The following TMEM132D variants were observed in gnomAD, a reference collection of about 807,000 sequenced individuals.
TMEM132D encodes the protein transmembrane protein 132D.
Under a neutral mutation model 62.3 loss-of-function variants are expected in TMEM132D, and 21 were observed. The observed-to-expected ratio is 0.34, with a 90% CI of 0.24 to 0.49. TMEM132D has a LOEUF of 0.49. TMEM132D is among the 20% of genes least tolerant of loss of function. TMEM132D has a pLI of 0.99. For synonymous variants in TMEM132D, 621 were observed against 575.6 expected (o/e 1.08, Z -1.13); for missense variants, 1,346 against 1,402.8 (o/e 0.96, Z 0.65).
intron 2 of TMEM132D, among the ~76,000 whole-genome samples, chr12:129,573,141 T>C (rs1360686297): frequency 2.0e-5 from 3 of 152,200 alleles, no homozygotes; most frequent in East Asian, 1.9e-4. Context: ...GGGGCAGCCA[T>C]GGAGACCCTG....
At chr12:129,698,471 G>T (rs1403678601) in intron 2 of TMEM132D, among the ~76,000 whole-genome samples, 1 of 139,602 alleles carries the variant, frequency 7.2e-6, no homozygotes, top group African/African-American at 2.7e-5. Flanking sequence ...GAATCAAAAC[G>T]GTGATTTATT....
At chr12:129,321,718 C>A (rs186565539) in intron 4 of TMEM132D, among the ~76,000 whole-genome samples, 1,809 of 152,202 alleles carry the variant, frequency 0.012, 38 homozygotes, top group African/African-American at 0.041. Context: ...GCCACCACGC[C>A]CAGCTAATTT....
At chr12:129,144,915 TA>T (rs1233965304) in intron 5 of TMEM132D, among the ~76,000 whole-genome samples, 1 of 152,090 alleles carries the variant, frequency 6.6e-6, no homozygotes. Flanking sequence ...TCTATCTATC[TA>T]TCTATCTATC....
At position 129,867,560 on chromosome 12, in the gene TMEM132D, G is replaced by A. The variant is rs1874098032; in HGVS notation, c.79+35701C>T. On this transcript the variant is annotated intron_variant, in intron 1 of 8. Coordinates refer to ENST00000422113, the MANE Select transcript of TMEM132D (RefSeq NM_133448.3). This position sits in a 1 kb window ranked among gnomAD's most constrained non-coding sequence, Gnocchi z 4.5. ...GGACTAAAATTAATAATTCTGTATA[G>A]TGTCCTTGAAATGTACTGAGAGGAT... Among the ~76,000 whole-genome samples, 1 of 152,144 alleles carries A rather than the reference G, an allele frequency of 6.6e-6. No homozygotes were observed. Among genetic ancestry groups the A allele is most frequent in the Admixed American group, 6.5e-5 (1 of 15,274 alleles).
intron 2 of TMEM132D, among the ~76,000 whole-genome samples, chr12:129,531,472 A>G (rs950121399): frequency 6.6e-6 from 1 of 152,226 alleles, no homozygotes; most frequent in Non-Finnish European, 1.5e-5. Context: ...ATATCCTTGC[A>G]CTAGCTTGTA....
At chr12:129,190,764 G>C (rs1486633) in intron 5 of TMEM132D, among the ~76,000 whole-genome samples, 6 of 152,190 alleles carry the variant, frequency 3.9e-5, no homozygotes, top group African/African-American at 1.2e-4. Flanking sequence ...AGAACTGTAA[G>C]ATAACACATT....
intron 1 of TMEM132D, chr12:129,853,367 C>T (rs10773714): frequency 0.27 from 40,812 of 152,124 alleles, 5,690 homozygotes; most frequent in East Asian, 0.59. Flanking sequence ...AACAAGAGGC[C>T]GTTTGAAAAC....
rs115074196 is a variant in TMEM132D, at chr12:129,742,062, G to C, written c.80-41364C>G. 5.3e-3 allele frequency among the ~76,000 whole-genome samples: 802 copies of C among 152,272 alleles called. 7 individuals are homozygous for C. Among genetic ancestry groups the C allele is most frequent in the African/African-American group, 0.018 (766 of 41,556 alleles). On this transcript the variant is annotated intron_variant, in intron 1 of 8. Transcript: ENST00000422113. The stretch of plus-strand genomic sequence containing the variant: ...CAAGTAAGAGAATGTTAAGTGATTT[G>C]TTGGTGTGCTCTCCTCACAAAGGTT...
At chr12:129,481,659 A>G (rs1874432429) in intron 3 of TMEM132D, among the ~76,000 whole-genome samples, 1 of 152,224 alleles carries the variant, frequency 6.6e-6, no homozygotes, top group Non-Finnish European at 1.5e-5. Context: ...AGAAAAAAAT[A>G]ACATTTGCTA....
chr12:129,404,092 G>T (rs1387442804), intron 3 of TMEM132D, among the ~76,000 whole-genome samples: 1 of 152,136 alleles, frequency 6.6e-6, no homozygotes, highest in Non-Finnish European at 1.5e-5. Context: ...AACACAGGAT[G>T]GGGATGCAGT....
intron 1 of TMEM132D, among the ~76,000 whole-genome samples, chr12:129,835,111 T>C (rs775413261): frequency 6.6e-6 from 1 of 152,092 alleles, no homozygotes; most frequent in South Asian, 2.1e-4. Flanking sequence ...TGAGGCTCAA[T>C]AGCAAAGGCA....
At chr12:129,679,407 A>G (rs1880725454) in intron 2 of TMEM132D, among the ~76,000 whole-genome samples, 1 of 152,144 alleles carries the variant, frequency 6.6e-6, no homozygotes, top group South Asian at 2.1e-4. Flanking sequence ...TCCTTAATAC[A>G]GCAAAATCAA....
At chr12:129,286,498 A>G (rs1291119450) in intron 4 of TMEM132D, among the ~76,000 whole-genome samples, 2 of 152,168 alleles carry the variant, frequency 1.3e-5, no homozygotes, top group African/African-American at 4.8e-5. Flanking sequence ...AAATAAATAG[A>G]AAGGTAATCA....
chr12:129,513,586 G>A (rs1349783196), intron 3 of TMEM132D, among the ~76,000 whole-genome samples: 3 of 151,458 alleles, frequency 2.0e-5, no homozygotes, highest in South Asian at 2.1e-4. Context: ...CCGGGTTCAC[G>A]CCATTCTCCT....
chr12:129,160,793 A>T (rs993050900), intron 5 of TMEM132D, among the ~76,000 whole-genome samples: 2 of 152,218 alleles, frequency 1.3e-5, no homozygotes, highest in African/African-American at 4.8e-5. Context: ...GGGCTTGGGG[A>T]CTACTTGAGT....
intron 1 of TMEM132D, among the ~76,000 whole-genome samples, chr12:129,783,036 C>T (rs776316430): frequency 6.6e-6 from 1 of 152,210 alleles, no homozygotes; most frequent in African/African-American, 2.4e-5. Context: ...TTGGTGAAGT[C>T]TTTGCTAGTA....
In TMEM132D at chr12:129,077,443, AAAT is replaced by A. The variant is rs528212253; in HGVS notation, c.2115+1088_2115+1090del. On this transcript the variant is annotated intron_variant, in intron 8 of 8. Coordinates refer to ENST00000422113, the MANE Select transcript of TMEM132D (RefSeq NM_133448.3). The stretch of plus-strand genomic sequence containing the variant: ...TTCACCCAAATTCCTATGTTCTAAG[AAAT>A]AATGTTTATCCACCTCTAATGAGGG... 3.7e-3 allele frequency among the ~76,000 whole-genome samples: 564 copies of A among 152,148 alleles called. 7 individuals are homozygous for A. The highest frequency in any genetic ancestry group is 2.4e-3 in the Non-Finnish European group (160 of 67,904).
At chr12:129,530,852 G>T (rs903479747) in intron 3 of TMEM132D, among the ~76,000 whole-genome samples, 1 of 152,006 alleles carries the variant, frequency 6.6e-6, no homozygotes, top group African/African-American at 2.4e-5. Context: ...GCTCTGCTGG[G>T]GTTTTAAGTA....
chr12:129,473,317 AGTTTTT>A, intron 3 of TMEM132D, among the ~76,000 whole-genome samples: 1 of 67,712 alleles, frequency 1.5e-5, no homozygotes, highest in Admixed American at 1.8e-4. Context: ...AAGTGATTTT[AGTTTTT>A]GTTTTTTTTT....
Sources: gnomAD v4.1 joint callset for allele counts (sites outside exome capture counted in the v4.1 genomes callset) on GRCh38, gnomAD v4.1.1 for gene constraint, Gnocchi (gnomAD v3.1) non-coding constraint, MANE v1.5 for transcripts, NCBI Gene and HGNC (gene_info 2026-07-23, HGNC 2026-07-21) for gene names.